Variants in SRGAP3 observed in about 807,000 individuals in gnomAD.
SRGAP3 encodes the protein SLIT-ROBO Rho GTPase activating protein 3, also known as SLIT-ROBO Rho GTPase-activating protein 3.
Under a neutral mutation model 121.1 loss-of-function variants are expected in SRGAP3, and 39 were observed. The ratio of observed to expected loss-of-function variants is 0.32; its 90% confidence interval spans 0.25 to 0.42. The LOEUF (loss-of-function observed/expected upper bound fraction) is 0.42. Among genes scored for constraint, SRGAP3 ranks in the 10% least tolerant of loss-of-function variants. SRGAP3 has a pLI of 1.00. For missense variants in SRGAP3, 1,213 were observed against 1,470.6 expected (o/e 0.82, Z 2.86); for synonymous variants, 601 against 570.0 (o/e 1.05, Z -0.77).
rs111934271 is a variant in SRGAP3 at position 9,067,264 on chromosome 3, A to G, written c.487-2683T>C. Among the ~76,000 whole-genome samples the G allele has an allele frequency of 8.6e-3, 1,309 of 151,772 alleles. 7 individuals are homozygous for G. Among genetic ancestry groups the G allele is most frequent in the Middle Eastern group, 0.021 (6 of 292 alleles). On this transcript the variant is annotated intron_variant, in intron 4 of 21. Transcript: ENST00000383836. ...CATTAACTAATGTGAAAAAAAATAT[A>G]TTTTTATGCCATGTTTCTCCCTTCT...
rs891776066 is a variant in SRGAP3 at position 8,983,765 on chromosome 3, T to A, written c.*1754A>T. The A allele has an allele frequency of 7.4e-5, 17 of 230,258 alleles. No homozygotes were observed. The highest frequency in any genetic ancestry group is 3.8e-4 in the African/African-American group (17 of 45,178). The allele number at this position is 230,258 out of a possible 1,614,324, so 14.3% of individuals were successfully genotyped here. On this transcript the variant is annotated 3_prime_UTR_variant, in exon 22 of 22. Transcript: ENST00000383836. Reference sequence around the variant, plus strand: ...ACAGCTTGCTCACTGATGTTTGACCTTTATTACCCTATTTTATGGAGCAGA... The same window carrying A: ...ACAGCTTGCTCACTGATGTTTGACCATTATTACCCTATTTTATGGAGCAGA...
Position 9,127,262 on chromosome 3 carries a change from A to T in SRGAP3, c.68-2345T>A, listed in dbSNP as rs979577329. Among the ~76,000 whole-genome samples, 3 of 152,170 alleles carry T rather than the reference A, an allele frequency of 2.0e-5. No individual in the cohort carries two copies. The East Asian group carries it at 5.8e-4, about 29-fold the overall frequency. ...TGAGGCAGAAGTATTGCTTGAGCCC[A>T]GGAGGTCCAGGCTGCAGTGAGCTAT... On this transcript the variant is annotated intron_variant, in intron 1 of 21. Transcript: ENST00000383836.
chr3:9,247,496 C>G (rs910268610), intron 1 of SRGAP3, among the ~76,000 whole-genome samples: 10 of 152,158 alleles, frequency 6.6e-5, no homozygotes, highest in Non-Finnish European at 1.5e-4. Flanking sequence ...TCCCTCCCCC[C>G]GTGGCTGCTC....
At chr3:9,265,104 A>G (rs1255232609) in intron 3 of SRGAP3, among the ~76,000 whole-genome samples, 1 of 152,238 alleles carries the variant, frequency 6.6e-6, no homozygotes, top group Non-Finnish European at 1.5e-5. Flanking sequence ...GACAAACCTG[A>G]CAAAAACAAG....
At chr3:9,033,115 G>A (rs1944574725) in intron 11 of SRGAP3, among the ~76,000 whole-genome samples, 1 of 152,188 alleles carries the variant, frequency 6.6e-6, no homozygotes, top group Non-Finnish European at 1.5e-5. Context: ...TGTAGCCCGA[G>A]AAAGCAAGAG....
intron 1 of SRGAP3, among the ~76,000 whole-genome samples, chr3:9,210,883 T>C (rs1258424240): frequency 6.6e-6 from 1 of 152,162 alleles, no homozygotes; most frequent in Non-Finnish European, 1.5e-5. Flanking sequence ...GGATAAACTG[T>C]TAAATTTTTT....
intron 1 of SRGAP3, among the ~76,000 whole-genome samples, chr3:9,163,077 T>C (rs573152608): frequency 1.3e-5 from 2 of 152,350 alleles, no homozygotes; most frequent in South Asian, 4.1e-4. Context: ...TGTGGGCTGA[T>C]ACAGGTAGAA....
intron 1 of SRGAP3, among the ~76,000 whole-genome samples, chr3:9,233,581 A>T (rs1953304338): frequency 6.6e-6 from 1 of 152,154 alleles, no homozygotes; most frequent in Admixed American, 6.5e-5. Context: ...CTGACCCCTT[A>T]AATATTTTGA....
rs568399478 is a variant in SRGAP3, at chr3:9,183,595, C to A, written c.68-58678G>T. Among the ~76,000 whole-genome samples, 175 of 152,188 alleles carry A rather than the reference C, an allele frequency of 1.1e-3. 2 individuals carry two copies. The highest frequency in any genetic ancestry group is 5.8e-4 in the East Asian group (3 of 5,188). On this transcript the variant is annotated intron_variant, in intron 1 of 21. Transcript: ENST00000383836. ...GCTTACTTGGGGCAGATGGCAAAGG[C>A]TTTCAATTTTTACTTTACATACCTC...
At chr3:9,216,459 T>C (rs1952631517) in intron 1 of SRGAP3, among the ~76,000 whole-genome samples, 1 of 152,138 alleles carries the variant, frequency 6.6e-6, no homozygotes, top group Non-Finnish European at 1.5e-5. Flanking sequence ...GTCCTCTCCG[T>C]ATCGTTTCTC....
At chr3:8,988,492 C>T (rs1574852201) in intron 21 of SRGAP3, among the ~76,000 whole-genome samples, 2 of 152,156 alleles carry the variant, frequency 1.3e-5, no homozygotes, top group East Asian at 3.9e-4. Flanking sequence ...TCTTGGATGG[C>T]AGCTGTCAAA....
chr3:9,281,706 TC>T (rs1954683305), intron 3 of SRGAP3, among the ~76,000 whole-genome samples: 1 of 152,178 alleles, frequency 6.6e-6, no homozygotes, highest in African/African-American at 2.4e-5. Context: ...AGGGTCTTGC[TC>T]TGTTGCCCAG....
chr3:9,129,440 T>C (rs1949358113), intron 1 of SRGAP3, among the ~76,000 whole-genome samples: 1 of 148,022 alleles, frequency 6.8e-6, no homozygotes. Context: ...TATTTTTCTT[T>C]CCAAAGTTCA....
intron 4 of SRGAP3, among the ~76,000 whole-genome samples, chr3:9,074,525 T>C (rs1218226059): frequency 6.6e-6 from 1 of 152,272 alleles, no homozygotes; most frequent in Non-Finnish European, 1.5e-5. Flanking sequence ...GGAGGTCAAC[T>C]TAAAGAAAAA....
chr3:9,009,555 T>C (rs142638967), intron 18 of SRGAP3, among the ~76,000 whole-genome samples: 1,563 of 152,348 alleles, frequency 0.01, 26 homozygotes, highest in African/African-American at 0.036. Context: ...AACATTTTAG[T>C]GGACCTCTAC....
At chr3:9,238,680 G>T (rs1953508563) in intron 1 of SRGAP3, among the ~76,000 whole-genome samples, 1 of 152,182 alleles carries the variant, frequency 6.6e-6, no homozygotes, top group African/African-American at 2.4e-5. Flanking sequence ...ATCTAAGAGT[G>T]GAGAGAAGCC....
At chr3:9,076,744 T>C (rs1052322863) in intron 4 of SRGAP3, among the ~76,000 whole-genome samples, 4 of 150,542 alleles carry the variant, frequency 2.7e-5, no homozygotes, top group African/African-American at 9.9e-5. Flanking sequence ...CTCACACATG[T>C]GCATCTCCCT....
At chr3:9,082,876 G>A (rs1947306075) in intron 3 of SRGAP3, among the ~76,000 whole-genome samples, 1 of 152,156 alleles carries the variant, frequency 6.6e-6, no homozygotes, top group Non-Finnish European at 1.5e-5. Flanking sequence ...GGCTTGCCAA[G>A]AATCACCCCT....
At chr3:8,995,226 C>T (rs562166280) in intron 18 of SRGAP3, among the ~76,000 whole-genome samples, 1 of 151,978 alleles carries the variant, frequency 6.6e-6, no homozygotes, top group African/African-American at 2.4e-5. Context: ...AAGCCCAACA[C>T]TTCGGGAGGC....
Sources: allele counts gnomAD v4.1 joint callset (sites outside exome capture counted in the v4.1 genomes callset), GRCh38; gene constraint gnomAD v4.1.1; transcripts MANE v1.5; gene names NCBI Gene and HGNC (gene_info 2026-07-23, HGNC 2026-07-21).